Variants in ZNF521 observed in about 807,000 individuals in gnomAD.
ZNF521 encodes the protein zinc finger protein 521.
Under a neutral mutation model 105.5 loss-of-function variants are expected in ZNF521, and 14 were observed. The ratio of observed to expected loss-of-function variants is 0.13; its 90% confidence interval spans 0.09 to 0.21. The LOEUF (loss-of-function observed/expected upper bound fraction) is 0.21. ZNF521 is among the 10% of genes least tolerant of loss of function. The pLI is 1.00. For synonymous variants in ZNF521, 635 were observed against 606.0 expected (o/e 1.05, Z -0.70); for missense variants, 1,233 against 1,629.7 (o/e 0.76, Z 4.19).
intron 5 of ZNF521, among the ~76,000 whole-genome samples, chr18:25,103,235 G>A (rs571671693): frequency 1.3e-4 from 20 of 152,190 alleles, no homozygotes; most frequent in Admixed American, 1.3e-3. Flanking sequence ...AAATCTTCCC[G>A]ATTATACAAC....
At chr18:25,200,848 T>C (rs2035980004) in intron 4 of ZNF521, 1 of 152,072 alleles carries the variant, frequency 6.6e-6, no homozygotes, top group Admixed American at 6.6e-5. Flanking sequence ...CTGCTTGGAT[T>C]TGCTTCATAA....
chr18:25,298,894 C>T (rs960700939), intron 3 of ZNF521, among the ~76,000 whole-genome samples: 2 of 152,118 alleles, frequency 1.3e-5, no homozygotes, highest in African/African-American at 4.8e-5. Flanking sequence ...CAGGATCACA[C>T]TCCTCTTTTA....
intron 3 of ZNF521, among the ~76,000 whole-genome samples, chr18:25,234,234 A>T (rs896739871): frequency 6.6e-6 from 1 of 152,236 alleles, no homozygotes; most frequent in African/African-American, 2.4e-5. Context: ...ATCTGTTTAC[A>T]GTGCCGTGAC....
intron 3 of ZNF521, among the ~76,000 whole-genome samples, chr18:25,309,180 T>C (rs1341331094): frequency 1.3e-5 from 2 of 152,204 alleles, no homozygotes; most frequent in African/African-American, 2.4e-5. Context: ...AAGGGGATGC[T>C]GTGTTCATCT....
intron 5 of ZNF521, among the ~76,000 whole-genome samples, chr18:25,094,305 G>A (rs2033808616): frequency 2.0e-5 from 3 of 152,104 alleles, no homozygotes; most frequent in African/African-American, 7.2e-5. Flanking sequence ...TAAGACATAT[G>A]TGTATGAGTG....
chr18:25,304,184 T>C (rs1206668765), intron 3 of ZNF521, among the ~76,000 whole-genome samples: 1 of 152,218 alleles, frequency 6.6e-6, no homozygotes, highest in Non-Finnish European at 1.5e-5. Flanking sequence ...CTTCATGACA[T>C]TTTAACAAAA....
intron 3 of ZNF521, among the ~76,000 whole-genome samples, chr18:25,250,933 C>T (rs143249596): frequency 6.8e-4 from 104 of 152,254 alleles, no homozygotes; most frequent in African/African-American, 2.4e-3. Flanking sequence ...AAAATATATT[C>T]CATGAGATGT....
chr18:25,182,374 T>C (rs1386923725), intron 5 of ZNF521, among the ~76,000 whole-genome samples: 1 of 152,170 alleles, frequency 6.6e-6, no homozygotes, highest in East Asian at 1.9e-4. Context: ...CCAATGTGAG[T>C]AGCATAAAGC....
chr18:25,119,761 T>C (rs1201453679), intron 5 of ZNF521, among the ~76,000 whole-genome samples: 2 of 151,916 alleles, frequency 1.3e-5, no homozygotes, highest in Non-Finnish European at 2.9e-5. Flanking sequence ...AAGTTTTACC[T>C]TAAGAAGCTA....
intron 4 of ZNF521, among the ~76,000 whole-genome samples, chr18:25,215,951 T>G (rs1423562114): frequency 6.6e-6 from 1 of 152,220 alleles, no homozygotes; most frequent in East Asian, 1.9e-4. Flanking sequence ...ATTCACTGTC[T>G]TTGAAGAACA....
intron 3 of ZNF521, among the ~76,000 whole-genome samples, chr18:25,281,795 G>T (rs1910396577): frequency 6.6e-6 from 1 of 152,154 alleles, no homozygotes; most frequent in Non-Finnish European, 1.5e-5. Flanking sequence ...ACTTTAGGAG[G>T]TTTCTGACTG....
intron 5 of ZNF521, among the ~76,000 whole-genome samples, chr18:25,161,979 T>C (rs2035259680): frequency 6.6e-6 from 1 of 152,090 alleles, no homozygotes; most frequent in Non-Finnish European, 1.5e-5. Flanking sequence ...TTCTGTGGGA[T>C]TTTCAAACTT....
intron 5 of ZNF521, among the ~76,000 whole-genome samples, chr18:25,117,040 C>T (rs1259281777): frequency 9.8e-6 from 1 of 102,348 alleles, no homozygotes; most frequent in Admixed American, 1.3e-4. Context: ...CATACACACA[C>T]ACACACATAT....
chr18:25,114,651 C>CT (rs1207416705), intron 5 of ZNF521, among the ~76,000 whole-genome samples: 1 of 152,180 alleles, frequency 6.6e-6, no homozygotes, highest in African/African-American at 2.4e-5. Flanking sequence ...TGAAAAAACT[C>CT]TAAGTGGGTA....
intron 3 of ZNF521, among the ~76,000 whole-genome samples, chr18:25,246,357 G>A (rs1380043309): frequency 6.6e-6 from 1 of 152,154 alleles, no homozygotes; most frequent in East Asian, 1.9e-4. Context: ...TAATGTAGAA[G>A]GTCCCTTTGT....
chr18:25,159,232 A>C (rs2035204552), intron 5 of ZNF521, among the ~76,000 whole-genome samples: 1 of 152,184 alleles, frequency 6.6e-6, no homozygotes, highest in Non-Finnish European at 1.5e-5. Flanking sequence ...CTCACTTGGC[A>C]TGGTGGGGTG....
At chr18:25,166,585 C>T (rs2035345804) in intron 5 of ZNF521, among the ~76,000 whole-genome samples, 2 of 152,136 alleles carry the variant, frequency 1.3e-5, no homozygotes. Flanking sequence ...CTATATTGTA[C>T]ACTGTCAATC....
intron 3 of ZNF521, among the ~76,000 whole-genome samples, chr18:25,272,602 G>A (rs1909735016): frequency 6.6e-6 from 1 of 152,096 alleles, no homozygotes; most frequent in African/African-American, 2.4e-5. Context: ...AAGAGTTCAT[G>A]TCCTTTTCAG....
At chr18:25,301,346 G>A (rs1024189637) in intron 3 of ZNF521, among the ~76,000 whole-genome samples, 2 of 152,204 alleles carry the variant, frequency 1.3e-5, no homozygotes, top group African/African-American at 4.8e-5. Context: ...AGAAGTGCCT[G>A]CAATTGCAGA....
Sources: allele counts gnomAD v4.1 joint callset (sites outside exome capture counted in the v4.1 genomes callset), GRCh38; gene constraint gnomAD v4.1.1; transcripts MANE v1.5; gene names NCBI Gene and HGNC (gene_info 2026-07-23, HGNC 2026-07-21).